ENO4: variants seen among roughly 807,000 people sequenced by gnomAD.
ENO4 encodes the protein 2-phospho-D-glycerate hydro-lyase.
In ENO4, 53 loss-of-function variants were observed where a neutral mutation model predicts 63.2. That is an observed-to-expected ratio of 0.84 (90% confidence interval 0.67 to 1.05). ENO4 has a LOEUF of 1.05. Among genes scored for constraint, ENO4 ranks in the 50% least tolerant of loss-of-function variants. ENO4 has a pLI of 0.00. For synonymous variants in ENO4, 266 were observed against 283.8 expected (o/e 0.94, Z 0.63); for missense variants, 719 against 772.0 (o/e 0.93, Z 0.81).
chr10:116,870,210 T>TAA (rs1846651718), intron 8 of ENO4, among the ~76,000 whole-genome samples: 2 of 152,334 alleles, frequency 1.3e-5, no homozygotes, highest in Admixed American at 1.3e-4. Flanking sequence ...AGCCCTCAGA[T>TAA]TCATTGATAT....
intron 10 of ENO4, among the ~76,000 whole-genome samples, chr10:116,897,977 A>G (rs930535150): frequency 1.3e-5 from 2 of 152,128 alleles, no homozygotes; most frequent in South Asian, 2.1e-4. Context: ...GCAACACTTA[A>G]TTATTCTATT....
At chr10:116,888,097 C>A (rs1847220564) in intron 10 of ENO4, among the ~76,000 whole-genome samples, 1 of 152,178 alleles carries the variant, frequency 6.6e-6, no homozygotes, top group South Asian at 2.1e-4. Flanking sequence ...AAGTGACAAA[C>A]ACTATGTCTT....
intron 7 of ENO4, among the ~76,000 whole-genome samples, chr10:116,863,610 G>C (rs1244707707): frequency 6.6e-6 from 1 of 152,184 alleles, no homozygotes; most frequent in Non-Finnish European, 1.5e-5. Flanking sequence ...CTTTTAAGCT[G>C]CATGATTAGG....
At chr10:116,910,029 A>G (rs1848128377) in intron 10 of ENO4, among the ~76,000 whole-genome samples, 1 of 152,168 alleles carries the variant, frequency 6.6e-6, no homozygotes, top group Non-Finnish European at 1.5e-5. Context: ...TAATCCTAAC[A>G]GTCTGAACTC....
intron 7 of ENO4, among the ~76,000 whole-genome samples, chr10:116,865,959 C>T (rs1480213776): frequency 1.3e-5 from 2 of 152,174 alleles, no homozygotes; most frequent in Non-Finnish European, 2.9e-5. Flanking sequence ...ATTCAATCTG[C>T]ATAACTGTAT....
intron 9 of ENO4, among the ~76,000 whole-genome samples, chr10:116,873,154 A>G (rs901095270): frequency 4.6e-5 from 7 of 152,164 alleles, no homozygotes; most frequent in African/African-American, 1.4e-4. Context: ...CTCACTGACA[A>G]GATAGGGTTT....
chr10:116,856,720 A>C, intron 3 of ENO4, 38 bp downstream of exon 3: 1 of 1,461,666 alleles, frequency 6.8e-7, no homozygotes, highest in Non-Finnish European at 9.1e-7. Flanking sequence ...ATCAAGTACA[A>C]GCCGGGCACA....
At chr10:116,853,294 CAAAA>C (rs56885650) in intron 1 of ENO4, among the ~76,000 whole-genome samples, 1 of 96,822 alleles carries the variant, frequency 1.0e-5, no homozygotes, top group Non-Finnish European at 1.9e-5. Context: ...GACTCCGTCT[CAAAA>C]AAAAAAAAAA....
chr10:116,886,067 T>G (rs569698155), downstream of ENO4: 47 of 416,958 alleles, frequency 1.1e-4, no homozygotes, highest in Non-Finnish European at 1.2e-4. Flanking sequence ...TGAATTTTTT[T>G]GTAACCTTCT....
At chr10:116,905,164 T>TGCAGTCC (rs1847917314) in intron 10 of ENO4, among the ~76,000 whole-genome samples, 1 of 142,306 alleles carries the variant, frequency 7.0e-6, no homozygotes, top group Non-Finnish European at 1.5e-5. Context: ...ATTGCGCCAC[T>TGCAGTCC]GCAGTCCGCA....
At chr10:116,871,806 G>C (rs1846702237) in intron 9 of ENO4, among the ~76,000 whole-genome samples, 2 of 152,218 alleles carry the variant, frequency 1.3e-5, no homozygotes, top group African/African-American at 4.8e-5. Context: ...GCCTGGGTTA[G>C]GAGGACAGAG....
chr10:116,893,998 A>G (rs1356285314), intron 10 of ENO4, among the ~76,000 whole-genome samples: 9 of 152,234 alleles, frequency 5.9e-5, no homozygotes, highest in Admixed American at 3.3e-4. Context: ...GTTTCACATC[A>G]GAAATACTGA....
chr10:116,853,797 T>C (rs192605801), intron 1 of ENO4, among the ~76,000 whole-genome samples: 2 of 152,328 alleles, frequency 1.3e-5, no homozygotes, highest in Admixed American at 1.3e-4. Context: ...TCTTGCTTAA[T>C]ACTTCTGGGG....
At chr10:116,855,894 C>T (rs1846245075) in intron 2 of ENO4, 143 bp downstream of exon 2, 1 of 967,964 alleles carries the variant, frequency 1.0e-6, no homozygotes, top group African/African-American at 1.7e-5. Context: ...AAGCATGAAT[C>T]ATACCATCAA....
In ENO4 at chr10:116,855,732, C is replaced by T; in HGVS notation, c.275C>T (p.Thr92Ile). The change falls in exon 2 of 14, where the codon ACC becomes ATC. Residue 92 changes from threonine to isoleucine, a missense_variant. Physicochemically the swap from Thr to Ile is moderately conservative, Grantham distance 89 (BLOSUM62 -1). Around this residue, in one of 3 missense-constraint regions of ENO4, gnomAD observed 544 missense variants for 583.6 expected, o/e 0.93. Coordinates refer to ENST00000341276, the MANE Select transcript of ENO4 (RefSeq NM_001242699.2). ...ACCCTGCAAGTGGACATATTCTGCA[C>T]CATTCAAAACTTTCCCAAGGTATGA... ...LPTLQVDIFC[T>I]IQNFPKNVCS... 1 of 1,535,316 alleles carries T rather than the reference C, an allele frequency of 6.5e-7. No homozygotes were observed. The highest frequency in any genetic ancestry group is 8.7e-7 in the Non-Finnish European group (1 of 1,146,038).
downstream of ENO4, chr10:116,911,990 T>C (rs1406709393): frequency 4.4e-5 from 28 of 640,238 alleles, no homozygotes; most frequent in East Asian, 7.7e-4. Context: ...TGTCTTAAGG[T>C]TAGGAAAAAA....
intron 13 of ENO4, 26 bp downstream of exon 13, chr10:116,880,012 T>TA (rs1479385942): frequency 2.1e-5 from 31 of 1,485,326 alleles, no homozygotes; most frequent in Non-Finnish European, 2.7e-5. Context: ...TTGCTTTGTT[T>TA]CCACTTAGCC....
chr10:116,886,569 A>G (rs1847170581), downstream of ENO4: 1 of 1,613,992 alleles, frequency 6.2e-7, no homozygotes. Context: ...TGGGAGGCCT[A>G]TGAGATGAAG....
At chr10:116,890,529 A>G (rs1838272918) in intron 10 of ENO4, among the ~76,000 whole-genome samples, 1 of 152,210 alleles carries the variant, frequency 6.6e-6, no homozygotes, top group Non-Finnish European at 1.5e-5. Flanking sequence ...TTTATGATCC[A>G]TTCATATAGA....
Sources: allele counts gnomAD v4.1 joint callset (sites outside exome capture counted in the v4.1 genomes callset), GRCh38; gene constraint gnomAD v4.1.1; regional missense constraint gnomAD v4.1.1; transcripts MANE v1.5; gene names NCBI Gene and HGNC (gene_info 2026-07-23, HGNC 2026-07-21).